Variants in LOC400499 observed in about 807,000 individuals in gnomAD.
At chr16:11,431,139 C>T in the LOC400499 span, 1 of 399,064 alleles carries the variant, frequency 2.5e-6, no homozygotes, top group Non-Finnish European at 4.4e-6. Flanking sequence ...TCTGGAAAGT[C>T]AGGATCCGGC....
At chr16:11,413,696 A>G in the LOC400499 span, among the ~76,000 whole-genome samples, 1 of 152,198 alleles carries the variant, frequency 6.6e-6, no homozygotes, top group African/African-American at 2.4e-5. Context: ...TGATGACGAT[A>G]ATAATCACTG....
the LOC400499 span, among the ~76,000 whole-genome samples, chr16:11,418,756 ACT>A: frequency 2.6e-5 from 4 of 152,204 alleles, no homozygotes; most frequent in African/African-American, 9.7e-5. Flanking sequence ...TGTGGCAGAG[ACT>A]GCAGGGCCAC....
the LOC400499 span, among the ~76,000 whole-genome samples, chr16:11,409,540 C>A: frequency 6.6e-6 from 1 of 152,170 alleles, no homozygotes; most frequent in East Asian, 1.9e-4. Flanking sequence ...AGTTTGTAGA[C>A]CTCTGTTCTA....
At chr16:11,488,100 G>C in the LOC400499 span, among the ~76,000 whole-genome samples, 1 of 146,470 alleles carries the variant, frequency 6.8e-6, no homozygotes, top group Admixed American at 6.9e-5. Flanking sequence ...CTGGGCAATA[G>C]GGCGATAGTC....
the LOC400499 span, among the ~76,000 whole-genome samples, chr16:11,501,485 T>C: frequency 1.3e-5 from 2 of 152,250 alleles, no homozygotes; most frequent in Middle Eastern, 3.4e-3. Context: ...GCCTCCCAAG[T>C]AGCTGGGACC....
chr16:11,491,716 C>A, the LOC400499 span: 56 of 394,832 alleles, frequency 1.4e-4, 1 homozygote, highest in African/African-American at 2.1e-5. Flanking sequence ...GTGGAGAGCT[C>A]GCCTGCCTGG....
At chr16:11,479,184 C>T in the LOC400499 span, among the ~76,000 whole-genome samples, 2 of 152,188 alleles carry the variant, frequency 1.3e-5, no homozygotes, top group African/African-American at 2.4e-5. Context: ...ATGAGGCGTG[C>T]AAAACTCCTA....
the LOC400499 span, chr16:11,412,905 G>C: frequency 5.0e-6 from 2 of 399,164 alleles, no homozygotes; most frequent in Non-Finnish European, 4.4e-6. Flanking sequence ...CAGGTCAGCT[G>C]CAGTGAGGAG....
At chr16:11,418,995 G>T in the LOC400499 span, among the ~76,000 whole-genome samples, 2 of 152,016 alleles carry the variant, frequency 1.3e-5, no homozygotes, top group Non-Finnish European at 2.9e-5. Flanking sequence ...GCAAAACCCC[G>T]TCTCTACTAA....
the LOC400499 span, among the ~76,000 whole-genome samples, chr16:11,421,348 A>C: frequency 6.6e-6 from 1 of 152,066 alleles, no homozygotes. Context: ...AGGGGTTGCA[A>C]ACTGGTGGCC....
At chr16:11,484,818 C>T in the LOC400499 span, 2 of 398,802 alleles carry the variant, frequency 5.0e-6, no homozygotes, top group Non-Finnish European at 4.4e-6. Context: ...TTCAAAAGTC[C>T]ACGCATGAAG....
the LOC400499 span, chr16:11,514,288 G>A: frequency 7.5e-6 from 3 of 398,842 alleles, no homozygotes; most frequent in Non-Finnish European, 1.3e-5. Context: ...ACCTGGGCCT[G>A]CTTGGGCCCC....
At chr16:11,492,035 T>A in the LOC400499 span, among the ~76,000 whole-genome samples, 11 of 152,086 alleles carry the variant, frequency 7.2e-5, no homozygotes, top group South Asian at 1.7e-3. Context: ...TTCACTGACC[T>A]TGCCTAATTC....
At chr16:11,384,124 G>C in the LOC400499 span, 11 of 1,217,784 alleles carry the variant, frequency 9.0e-6, no homozygotes, top group Admixed American at 4.2e-5. Context: ...CCTCTGCAGA[G>C]CCATCAGGCC....
the LOC400499 span, chr16:11,471,371 G>A: frequency 5.1e-5 from 15 of 296,618 alleles, no homozygotes; most frequent in East Asian, 2.3e-4. Context: ...GTTGTCTTAC[G>A]GCAAGTCACA....
At chr16:11,474,801 T>C in the LOC400499 span, among the ~76,000 whole-genome samples, 1 of 152,022 alleles carries the variant, frequency 6.6e-6, no homozygotes, top group Non-Finnish European at 1.5e-5. Context: ...CCTGGGGAGA[T>C]GGAGGCTGCA....
At chr16:11,511,744 A>C in the LOC400499 span, among the ~76,000 whole-genome samples, 5 of 152,220 alleles carry the variant, frequency 3.3e-5, no homozygotes, top group African/African-American at 1.2e-4. Flanking sequence ...TAGTTGACTA[A>C]GGCGGAGCAC....
chr16:11,393,163 C>CA, the LOC400499 span, among the ~76,000 whole-genome samples: 1 of 127,896 alleles, frequency 7.8e-6, no homozygotes, highest in Admixed American at 7.5e-5. Flanking sequence ...CACCCCCCCC[C>CA]CTTTTTTTTA....
chr16:11,494,466 G>C, the LOC400499 span: 1 of 392,628 alleles, frequency 2.5e-6, no homozygotes, highest in African/African-American at 2.1e-5. Context: ...TAGGAGGAAG[G>C]GGCAAAGGGG....
Sources: gnomAD v4.1 joint callset for allele counts (sites outside exome capture counted in the v4.1 genomes callset) on GRCh38, gnomAD v4.1.1 for gene constraint, MANE v1.5 for transcripts.